Variants in FAM193A observed in about 807,000 individuals in gnomAD.
The protein encoded by FAM193A is family with sequence similarity 193 member A.
A neutral mutation model predicts 126.5 loss-of-function variants in FAM193A; 22 were observed. The ratio of observed to expected loss-of-function variants is 0.17; its 90% CI spans 0.12 to 0.25. FAM193A has a LOEUF of 0.25. Ranked by LOEUF, FAM193A falls within the 10% of genes least tolerant of loss-of-function variation. The pLI, the probability that FAM193A is intolerant of heterozygous loss-of-function variation, is 1.00. For synonymous variants in FAM193A, 761 were observed against 646.8 expected (o/e 1.18, Z -2.68); for missense variants, 1,675 against 1,672.8 (o/e 1.00, Z -0.02).
chr4:2,663,805 A>C (rs1265967509), intron 12 of FAM193A, among the ~76,000 whole-genome samples: 1 of 152,194 alleles, frequency 6.6e-6, no homozygotes, highest in Non-Finnish European at 1.5e-5. Flanking sequence ...CGTCTCTACT[A>C]AAAATACAAA....
At chr4:2,678,576 T>C (rs979235067) in intron 13 of FAM193A, among the ~76,000 whole-genome samples, 1 of 151,874 alleles carries the variant, frequency 6.6e-6, no homozygotes, top group Non-Finnish European at 1.5e-5. Flanking sequence ...TTGGCCAGGC[T>C]GGTCTCGAAC....
intron 12 of FAM193A, among the ~76,000 whole-genome samples, chr4:2,671,638 A>G (rs1464133859): frequency 2.6e-5 from 4 of 152,106 alleles, no homozygotes; most frequent in African/African-American, 4.8e-5. Flanking sequence ...GCCTTTGACA[A>G]TTGTGTTCAG....
At chr4:2,623,269 A>C (rs772003835) in intron 2 of FAM193A, among the ~76,000 whole-genome samples, 1 of 151,700 alleles carries the variant, frequency 6.6e-6, no homozygotes, top group Non-Finnish European at 1.5e-5. Flanking sequence ...CTTCGGGTTC[A>C]AGCAATTCTC....
intron 2 of FAM193A, among the ~76,000 whole-genome samples, chr4:2,621,771 A>G (rs1742557454): frequency 6.6e-6 from 1 of 152,210 alleles, no homozygotes; most frequent in South Asian, 2.1e-4. Context: ...TTGCTGTTAG[A>G]TGGGCGTGGG....
chr4:2,731,954 C>T lies in FAM193A; in HGVS notation c.*86C>T, dbSNP rs1721446164. On this transcript the variant is annotated 3_prime_UTR_variant, in exon 21 of 21. Coordinates refer to ENST00000637812, the MANE Select transcript of FAM193A (RefSeq NM_001366318.2). ...CACGCCCCTCGCTGGCGCCCCAGAG[C>T]CGTGGTGCTTGCCAAGGGCTGTGCG... is the stretch of plus-strand genomic sequence containing the variant. 2.9e-6 allele frequency: 3 copies of T among 1,050,786 alleles called. No homozygotes were observed. The highest frequency in any genetic ancestry group is 1.7e-5 in the Admixed American group (1 of 58,702). The allele number at this position is 1,050,786 out of a possible 1,614,324, so 65.1% of individuals were successfully genotyped here.
chr4:2,557,702 C>T (rs1381900355), intron 1 of FAM193A, among the ~76,000 whole-genome samples: 1 of 152,108 alleles, frequency 6.6e-6, no homozygotes, highest in African/African-American at 2.4e-5. Flanking sequence ...CCTGTAATCT[C>T]AGCACTTTGG....
At chr4:2,618,536 TC>T (rs1352244526) in intron 2 of FAM193A, among the ~76,000 whole-genome samples, 1 of 150,956 alleles carries the variant, frequency 6.6e-6, no homozygotes, top group African/African-American at 2.4e-5. Flanking sequence ...CAAGTGATTC[TC>T]CTGCCTCAGC....
chr4:2,706,680 G>A (rs1718346298), intron 19 of FAM193A, among the ~76,000 whole-genome samples: 1 of 149,680 alleles, frequency 6.7e-6, no homozygotes, highest in Non-Finnish European at 1.5e-5. Flanking sequence ...TGTCATTATT[G>A]CATTTAGTTA....
chr4:2,603,988 G>A lies in FAM193A; in HGVS notation c.501+7659G>A, dbSNP rs189586639. Among the ~76,000 whole-genome samples, 252 of 151,890 alleles carry A rather than the reference G, an allele frequency of 1.7e-3. 2 individuals carry two copies. Among genetic ancestry groups the A allele is most frequent in the African/African-American group, 5.5e-3 (227 of 41,386 alleles). On this transcript the variant is annotated intron_variant, in intron 2 of 20. Coordinates refer to ENST00000637812, the MANE Select transcript of FAM193A (RefSeq NM_001366318.2). ...CTTCTGAGCAGCTGGGATTACAGGC[G>A]TGTGTCACCATGCCCAGCTAATTTT...
intron 7 of FAM193A, among the ~76,000 whole-genome samples, chr4:2,655,911 A>G (rs75491027): frequency 0.07 from 10,717 of 152,242 alleles, 695 homozygotes; most frequent in African/African-American, 0.17. Context: ...CCTTGGTGAC[A>G]GAGCAAGAGA....
At chr4:2,627,575 C>CTTTT (rs753783682) in intron 4 of FAM193A, among the ~76,000 whole-genome samples, 10 of 63,996 alleles carry the variant, frequency 1.6e-4, no homozygotes, top group Non-Finnish European at 2.1e-4. Context: ...ATTTGGGAGG[C>CTTTT]TTTTTTTTTT....
At chr4:2,696,928 G>T (rs1026077734) in intron 18 of FAM193A, among the ~76,000 whole-genome samples, 4 of 152,188 alleles carry the variant, frequency 2.6e-5, no homozygotes, top group Non-Finnish European at 5.9e-5. Context: ...CTGTAGAGAT[G>T]ATAGAAGAAA....
chr4:2,720,372 CAG>C (rs1391658174), intron 20 of FAM193A, among the ~76,000 whole-genome samples: 2 of 152,012 alleles, frequency 1.3e-5, no homozygotes, highest in Non-Finnish European at 2.9e-5. Context: ...TGTTTTTAAA[CAG>C]AGCACGGTGG....
At chr4:2,723,907 C>A (rs1467773608) in intron 20 of FAM193A, among the ~76,000 whole-genome samples, 1 of 152,126 alleles carries the variant, frequency 6.6e-6, no homozygotes, top group Non-Finnish European at 1.5e-5. Context: ...CCCAGGTGAT[C>A]TTTCCACCTC....
chr4:2,694,741 G>A (rs995177383), intron 16 of FAM193A, among the ~76,000 whole-genome samples: 7 of 152,132 alleles, frequency 4.6e-5, no homozygotes, highest in African/African-American at 1.2e-4. Flanking sequence ...TTGAGGGACC[G>A]CCTGCATGCA....
chr4:2,663,551 AT>A (rs1712740224), intron 12 of FAM193A, among the ~76,000 whole-genome samples: 4 of 152,190 alleles, frequency 2.6e-5, no homozygotes, highest in Admixed American at 2.6e-4. Flanking sequence ...TTAAAAAAAA[AT>A]AGTGGAATAT....
chr4:2,645,901 GT>G (rs1745090996), intron 6 of FAM193A, among the ~76,000 whole-genome samples: 1 of 152,062 alleles, frequency 6.6e-6, no homozygotes, highest in Non-Finnish European at 1.5e-5. Flanking sequence ...ATCAGATTTT[GT>G]TTTGCTTTAT....
intron 13 of FAM193A, among the ~76,000 whole-genome samples, chr4:2,673,477 A>G (rs1403332862): frequency 1.3e-5 from 2 of 152,238 alleles, no homozygotes; most frequent in African/African-American, 4.8e-5. Flanking sequence ...TAAGTTTGCC[A>G]CATCTATTGT....
chr4:2,586,842 C>CG (rs1740267978), intron 1 of FAM193A, among the ~76,000 whole-genome samples: 1 of 152,034 alleles, frequency 6.6e-6, no homozygotes, highest in Admixed American at 6.5e-5. Flanking sequence ...TTTGTAGAGA[C>CG]GGGGTCTCCC....
Sources: gnomAD v4.1 joint callset for allele counts (sites outside exome capture counted in the v4.1 genomes callset) on GRCh38, gnomAD v4.1.1 for gene constraint, MANE v1.5 for transcripts, NCBI Gene and HGNC (gene_info 2026-07-23, HGNC 2026-07-21) for gene names.